XNDC1N: variants seen among roughly 807,000 people sequenced by gnomAD.
The protein encoded by XNDC1N is XRCC1 N-terminal domain containing 1, N-terminal like.
At chr11:71,872,270 A>C in the XNDC1N span, among the ~76,000 whole-genome samples, 1 of 152,190 alleles carries the variant, frequency 6.6e-6, no homozygotes. Context: ...AAAAGCACCC[A>C]GTTAAGCCTC....
the XNDC1N span, among the ~76,000 whole-genome samples, chr11:71,896,721 G>A: frequency 6.6e-6 from 1 of 152,302 alleles, no homozygotes; most frequent in Admixed American, 6.5e-5. Context: ...GCGCCAGCAC[G>A]CCCAGCTAAT....
the XNDC1N span, among the ~76,000 whole-genome samples, chr11:71,888,464 G>C: frequency 1.3e-5 from 2 of 152,184 alleles, no homozygotes; most frequent in Non-Finnish European, 2.9e-5. Context: ...GCTTTCATGA[G>C]TTAAAGGAAA....
the XNDC1N span, among the ~76,000 whole-genome samples, chr11:71,888,234 C>T: frequency 1.3e-5 from 2 of 152,146 alleles, no homozygotes; most frequent in African/African-American, 4.8e-5. Context: ...GATTGACTAT[C>T]CGACAGGGGT....
chr11:71,912,206 C>T, the XNDC1N span, among the ~76,000 whole-genome samples: 18 of 152,318 alleles, frequency 1.2e-4, no homozygotes, highest in African/African-American at 2.6e-4. Context: ...GCCCGGCATA[C>T]GAGCTTATGG....
At chr11:71,874,751 GA>G in the XNDC1N span, among the ~76,000 whole-genome samples, 3 of 150,202 alleles carry the variant, frequency 2.0e-5, no homozygotes, top group African/African-American at 5.0e-5. Flanking sequence ...TGCAGAAAGA[GA>G]AAAAAAAATT....
At chr11:71,882,485 C>A in the XNDC1N span, among the ~76,000 whole-genome samples, 2 of 152,190 alleles carry the variant, frequency 1.3e-5, no homozygotes, top group Non-Finnish European at 2.9e-5. Context: ...CCCGCCTTGG[C>A]CTCCCAAAGT....
At chr11:71,915,413 A>G in the XNDC1N span, among the ~76,000 whole-genome samples, 2 of 150,804 alleles carry the variant, frequency 1.3e-5, no homozygotes, top group Non-Finnish European at 2.9e-5. Context: ...GCCCCACTGC[A>G]CTCCAGCCTG....
At chr11:71,908,874 A>T in the XNDC1N span, among the ~76,000 whole-genome samples, 2 of 152,152 alleles carry the variant, frequency 1.3e-5, no homozygotes, top group African/African-American at 4.8e-5. Context: ...GTTGCCAGGA[A>T]CCGACCCTCA....
At chr11:71,884,466 T>C in the XNDC1N span, 5 of 1,610,246 alleles carry the variant, frequency 3.1e-6, no homozygotes, top group Non-Finnish European at 4.2e-6. Flanking sequence ...CAGACTGAAG[T>C]GCAATGCTGA....
At chr11:71,867,556 C>T in the XNDC1N span, among the ~76,000 whole-genome samples, 1 of 152,296 alleles carries the variant, frequency 6.6e-6, no homozygotes, top group Non-Finnish European at 1.5e-5. Context: ...TCCCAAAAGT[C>T]ATTCAGGAGC....
At chr11:71,897,123 C>A in the XNDC1N span, among the ~76,000 whole-genome samples, 1 of 152,128 alleles carries the variant, frequency 6.6e-6, no homozygotes, top group African/African-American at 2.4e-5. Context: ...AAGTATGACA[C>A]GCCTAAAAGA....
chr11:71,899,130 G>T, the XNDC1N span, among the ~76,000 whole-genome samples: 1 of 152,152 alleles, frequency 6.6e-6, no homozygotes, highest in Non-Finnish European at 1.5e-5. Flanking sequence ...CTTTGGCTAA[G>T]AAGGAGCTCT....
chr11:71,885,591 G>C, the XNDC1N span, among the ~76,000 whole-genome samples: 20 of 152,198 alleles, frequency 1.3e-4, no homozygotes, highest in Admixed American at 1.2e-3. Context: ...CTGCGATATT[G>C]AACGTAATAT....
the XNDC1N span, among the ~76,000 whole-genome samples, chr11:71,912,266 T>C: frequency 1.3e-5 from 2 of 151,486 alleles, no homozygotes; most frequent in Admixed American, 6.6e-5. Flanking sequence ...GATGCCAAAG[T>C]GTGGAGGTAA....
the XNDC1N span, among the ~76,000 whole-genome samples, chr11:71,920,711 A>T: frequency 2.6e-5 from 4 of 152,230 alleles, no homozygotes; most frequent in Non-Finnish European, 4.4e-5. Context: ...ATAAAGTGAT[A>T]TTTATACTCA....
the XNDC1N span, among the ~76,000 whole-genome samples, chr11:71,886,292 T>C: frequency 6.6e-6 from 1 of 152,162 alleles, no homozygotes; most frequent in Admixed American, 6.5e-5. Flanking sequence ...CACCAGTTGC[T>C]CATGTTCCTC....
At chr11:71,919,561 T>C in the XNDC1N span, among the ~76,000 whole-genome samples, 1 of 147,774 alleles carries the variant, frequency 6.8e-6, no homozygotes, top group Admixed American at 6.7e-5. Flanking sequence ...CTAATTTTTT[T>C]GTATTTTTAG....
the XNDC1N span, among the ~76,000 whole-genome samples, chr11:71,868,150 G>T: frequency 2.0e-5 from 3 of 152,010 alleles, no homozygotes; most frequent in Non-Finnish European, 4.4e-5. Flanking sequence ...ATCTTTCTTT[G>T]AGCCTTTACT....
At chr11:71,892,494 C>G in the XNDC1N span, among the ~76,000 whole-genome samples, 1 of 151,722 alleles carries the variant, frequency 6.6e-6, no homozygotes, top group Non-Finnish European at 1.5e-5. Flanking sequence ...ATATTAGGAG[C>G]AATATCTTTC....
Sources: allele counts gnomAD v4.1 joint callset (sites outside exome capture counted in the v4.1 genomes callset), GRCh38; gene constraint gnomAD v4.1.1; transcripts MANE v1.5; gene names NCBI Gene and HGNC (gene_info 2026-07-23, HGNC 2026-07-21).